The following CROT variants were observed in gnomAD, a reference collection of about 807,000 sequenced individuals.
CROT encodes the protein peroxisomal carnitine O-octanoyltransferase.
Under a neutral mutation model 89.2 loss-of-function variants are expected in CROT, and 84 were observed. The observed-to-expected ratio is 0.94, with a 90% CI of 0.79 to 1.13. CROT has a LOEUF of 1.13. Ranked by LOEUF, CROT falls within the 50% of genes most tolerant of loss-of-function variation. The pLI, the probability that CROT is intolerant of heterozygous loss-of-function variation, is 0.00. For missense variants in CROT, 711 were observed against 727.8 expected, an observed-to-expected ratio of 0.98 and a Z score of 0.27; for synonymous variants, 212 against 239.5, an observed-to-expected ratio of 0.89 and a Z score of 1.06.
Position 87,375,892 on chromosome 7 carries a change from G to A in CROT, c.815G>A (p.Ser272Asn), listed in dbSNP as rs138191847. 1.1e-3 allele frequency: 1,711 copies of A among 1,613,152 alleles called. 3 individuals are homozygous for A. Among genetic ancestry groups the A allele is most frequent in the Non-Finnish European group, 1.3e-3 (1,583 of 1,179,478 alleles). The change falls in exon 9 of 18, where the codon AGT becomes AAT. Residue 272 changes from serine (S) to asparagine (N), a missense_variant. Coordinates refer to ENST00000331536, the MANE Select transcript of CROT (RefSeq NM_021151.4). ...NLALLEKIQS[S>N]LLVYSMEDSS... The stretch of plus-strand genomic sequence containing the variant: ...GCTTTGTTAGAAAAAATTCAGAGTA[G>A]TTTACTGGTATATTCCATGGAGGAT...
chr7:87,383,657 T>C (rs1807096424), intron 13 of CROT, among the ~76,000 whole-genome samples: 1 of 151,914 alleles, frequency 6.6e-6, no homozygotes, highest in Non-Finnish European at 1.5e-5. Context: ...CCACCATGCC[T>C]GGCTAATTTT....
intron 7 of CROT, among the ~76,000 whole-genome samples, chr7:87,372,268 A>G (rs1012036916): frequency 1.2e-4 from 19 of 152,184 alleles, no homozygotes; most frequent in Non-Finnish European, 2.6e-4. Context: ...TGTTGCAAAC[A>G]TTTTCTTCCA....
At chr7:87,363,716 A>G (rs1375344103) in intron 6 of CROT, among the ~76,000 whole-genome samples, 1 of 152,238 alleles carries the variant, frequency 6.6e-6, no homozygotes, top group African/African-American at 2.4e-5. Flanking sequence ...GACCAGATTT[A>G]TGCTTTAAAA....
chr7:87,377,608 T>C (rs1039401593), intron 10 of CROT, among the ~76,000 whole-genome samples, 158 bp downstream of exon 10: 1 of 152,206 alleles, frequency 6.6e-6, no homozygotes, highest in African/African-American at 2.4e-5. Flanking sequence ...ATTGAAAGTA[T>C]AGGACAAGTT....
chr7:87,390,008 C>T (rs1014180655), intron 13 of CROT, among the ~76,000 whole-genome samples: 2 of 151,912 alleles, frequency 1.3e-5, no homozygotes, highest in Non-Finnish European at 2.9e-5. Flanking sequence ...GAATCTTTTT[C>T]CTACCTTTCT....
intron 13 of CROT, among the ~76,000 whole-genome samples, chr7:87,389,722 G>A (rs1199794096): frequency 6.6e-6 from 1 of 152,126 alleles, no homozygotes; most frequent in African/African-American, 2.4e-5. Context: ...GTATACCTAT[G>A]TAATAAACCT....
intron 6 of CROT, among the ~76,000 whole-genome samples, chr7:87,363,420 G>A (rs1001402593): frequency 5.9e-5 from 9 of 152,206 alleles, no homozygotes; most frequent in African/African-American, 2.2e-4. Context: ...TGAATGATAA[G>A]ATGAACCTGC....
intron 13 of CROT, among the ~76,000 whole-genome samples, chr7:87,386,247 T>C (rs1305437821): frequency 1.3e-5 from 2 of 152,184 alleles, no homozygotes; most frequent in Non-Finnish European, 2.9e-5. Flanking sequence ...TTGGTATTAG[T>C]TCTTTTTTTA....
chr7:87,377,280 G>A (rs764932352), intron 9 of CROT, 69 bp from the exon 10 acceptor site: 25 of 929,722 alleles, frequency 2.7e-5, no homozygotes, highest in Non-Finnish European at 4.2e-5. Flanking sequence ...TGATATATGT[G>A]TTTAAGATGT....
intron 17 of CROT, among the ~76,000 whole-genome samples, chr7:87,395,147 G>T (rs1269039270): frequency 6.6e-6 from 1 of 152,164 alleles, no homozygotes; most frequent in Non-Finnish European, 1.5e-5. Context: ...GCAAGCTGAG[G>T]GGCAAGAAAG....
At chr7:87,361,948 T>C (rs1457235344) in intron 6 of CROT, 96 bp downstream of exon 6, 17 of 1,105,440 alleles carry the variant, frequency 1.5e-5, no homozygotes, top group Non-Finnish European at 1.2e-6. Flanking sequence ...AGAATATTAC[T>C]GTTGGGACTT....
rs373524932 is a variant in CROT at position 87,392,869 on chromosome 7, T to G, written c.1598+46T>G. 18 of 1,609,608 alleles carry G rather than the reference T, an allele frequency of 1.1e-5. No homozygotes were observed. In the East Asian group the frequency reaches 2.0e-4, roughly 18 times the overall value. On this transcript the variant is annotated intron_variant, in intron 16 of 17. Coordinates refer to ENST00000331536, the MANE Select transcript of CROT (RefSeq NM_021151.4). ...ACAGCTTCATCAATTGGCTTCCTCT[T>G]TTTGTATATTAAATGGTTTTTAGAA... is the stretch of plus-strand genomic sequence containing the variant.
intron 3 of CROT, among the ~76,000 whole-genome samples, chr7:87,357,120 A>G (rs1167779960): frequency 2.0e-5 from 3 of 152,182 alleles, no homozygotes; most frequent in Non-Finnish European, 4.4e-5. Flanking sequence ...TCAGAAGGCA[A>G]GTGTGGAAAG....
intron 6 of CROT, among the ~76,000 whole-genome samples, chr7:87,369,091 T>A (rs1806540771): frequency 6.6e-6 from 1 of 152,186 alleles, no homozygotes; most frequent in Non-Finnish European, 1.5e-5. Context: ...TGTTCCTAAG[T>A]AAAATTAGAA....
chr7:87,380,804 T>C (rs1806970980), intron 10 of CROT, among the ~76,000 whole-genome samples: 1 of 152,234 alleles, frequency 6.6e-6, no homozygotes, highest in Admixed American at 6.5e-5. Context: ...TTGTCTTAAA[T>C]GAAACAATAT....
intron 17 of CROT, 66 bp from the exon 18 acceptor site, chr7:87,398,458 G>A: frequency 6.3e-7 from 1 of 1,576,286 alleles, no homozygotes; most frequent in Non-Finnish European, 8.7e-7. Flanking sequence ...ATAAAGTCCT[G>A]GTTGTATTCA....
At chr7:87,388,044 G>C (rs558255348) in intron 13 of CROT, among the ~76,000 whole-genome samples, 24 of 152,132 alleles carry the variant, frequency 1.6e-4, no homozygotes, top group African/African-American at 4.8e-4. Context: ...GGAGCAGGTG[G>C]GTGTGATACC....
Position 87,361,561 on chromosome 7 carries a change from C to G in CROT, c.412C>G (p.Leu138Val). The G allele has an allele frequency of 2.5e-6, 4 of 1,591,442 alleles. No individual in the cohort carries two copies. In the South Asian group the frequency reaches 4.6e-5, roughly 18 times the overall value. Residue 138 changes from leucine (L) to valine (V), a missense_variant, in exon 5 of 18, where the codon CTA (leucine) becomes GTA (valine). By Grantham distance (32) the Leu-to-Val change is conservative. Coordinates refer to ENST00000331536, the MANE Select transcript of CROT (RefSeq NM_021151.4). Reference protein sequence around the residue: ...TLWHNLNYWQLLRKEKVPVHK... With the variant: ...TLWHNLNYWQVLRKEKVPVHK... ...TTGGCATAACTTGAACTACTGGCAGCTATTAAGAAAGTAAGGACACATGTG... is the reference window on the plus strand; with the variant it reads ...TTGGCATAACTTGAACTACTGGCAGGTATTAAGAAAGTAAGGACACATGTG...
rs770978645 is a variant in CROT at position 87,387,930 on chromosome 7, C to T, written c.1302-3659C>T. On this transcript the variant is annotated intron_variant, in intron 13 of 17. Transcript: ENST00000331536. ...TCATGCCACTGCACTCCAGCCTGGG[C>T]GACAGAGCAAGACTTTGGCACCATT... 6.6e-5 allele frequency among the ~76,000 whole-genome samples: 10 copies of T among 152,252 alleles called. 1 individual carries two copies. In the South Asian group the frequency reaches 8.3e-4, roughly 13 times the overall value.
Sources: allele counts gnomAD v4.1 joint callset (sites outside exome capture counted in the v4.1 genomes callset), GRCh38; gene constraint gnomAD v4.1.1; transcripts MANE v1.5; gene names NCBI Gene and HGNC (gene_info 2026-07-23, HGNC 2026-07-21).